Variants in NTN1 observed in about 807,000 individuals in gnomAD.
NTN1 encodes netrin-1.
Under a neutral mutation model 54.2 loss-of-function variants are expected in NTN1, and 11 were observed. The ratio of observed to expected loss-of-function variants is 0.20; its 90% CI spans 0.13 to 0.34. The LOEUF (loss-of-function observed/expected upper bound fraction) is 0.34. NTN1 is among the 10% of genes least tolerant of loss of function. NTN1 has a pLI of 1.00. For missense variants in NTN1, 740 were observed against 893.1 expected (o/e 0.83, Z 2.18); for synonymous variants, 371 against 382.0 (o/e 0.97, Z 0.33).
chr17:9,040,797 CT>C (rs147482508), intron 2 of NTN1, among the ~76,000 whole-genome samples: 10 of 148,490 alleles, frequency 6.7e-5, no homozygotes, highest in African/African-American at 7.4e-5. Flanking sequence ...CTCTTTCTTA[CT>C]TTTTTTTTTG....
At chr17:9,210,905 G>GAAA (rs58541910) in intron 5 of NTN1, among the ~76,000 whole-genome samples, 10 of 23,494 alleles carry the variant, frequency 4.3e-4, no homozygotes, top group Admixed American at 9.1e-4. Flanking sequence ...GACTCCATCT[G>GAAA]AAAAAAAAAA....
intron 2 of NTN1, among the ~76,000 whole-genome samples, chr17:9,111,850 T>C (rs1481870167): frequency 6.6e-6 from 1 of 152,146 alleles, no homozygotes; most frequent in African/African-American, 2.4e-5. Flanking sequence ...TTGAATAGGC[T>C]GAGGGGGAGG....
the NTN1 span, among the ~76,000 whole-genome samples, chr17:9,004,609 G>A: frequency 1.2e-3 from 176 of 152,314 alleles, no homozygotes; most frequent in Middle Eastern, 3.4e-3. Flanking sequence ...CGCTCCCGCC[G>A]CAGCCCTAAT....
At position 9,163,173 on chromosome 17, in the gene NTN1, C is replaced by T. The variant is rs557173746; in HGVS notation, c.1207+172C>T. 7.3e-5 allele frequency among the ~76,000 whole-genome samples: 11 copies of T among 151,650 alleles called. No homozygotes were observed. In the East Asian group the frequency reaches 2.1e-3, roughly 30 times the overall value. On this transcript the variant is annotated intron_variant, in intron 3 of 6. Transcript: ENST00000173229. Reference sequence around the variant, plus strand: ...ACACACACACACACACACACACACACACACACACACACGCCTCCCTGGTAT... The same window carrying T: ...ACACACACACACACACACACACACATACACACACACACGCCTCCCTGGTAT...
chr17:9,135,296 C>G lies in NTN1; in HGVS notation c.1019-27517C>G, dbSNP rs561915482. Among the ~76,000 whole-genome samples, 2 of 152,294 alleles carry G rather than the reference C, an allele frequency of 1.3e-5. No individual in the cohort carries two copies. The highest frequency in any genetic ancestry group is 6.5e-5 in the Admixed American group (1 of 15,300). ...TGCCACCTGGGTCTGAATGTGTCCC[C>G]CAGACCCAACACCTCTTTGCACAGT... On this transcript the variant is annotated intron_variant, in intron 2 of 6. Coordinates refer to ENST00000173229, the MANE Select transcript of NTN1 (RefSeq NM_004822.3). The surrounding 1 kb of genome is among the most constrained non-coding windows in gnomAD (Gnocchi z 4.4).
intron 2 of NTN1, among the ~76,000 whole-genome samples, chr17:9,133,003 G>A (rs1034463819): frequency 6.6e-6 from 1 of 152,102 alleles, no homozygotes; most frequent in Non-Finnish European, 1.5e-5. Flanking sequence ...AAGCATTCTG[G>A]CCAAAACCTT....
intron 3 of NTN1, among the ~76,000 whole-genome samples, chr17:9,169,569 A>G (rs1261214134): frequency 6.6e-6 from 1 of 152,194 alleles, no homozygotes; most frequent in Non-Finnish European, 1.5e-5. Flanking sequence ...CCACATAGAA[A>G]TTCCTGGAGG....
chr17:9,176,005 T>A (rs899672074), intron 3 of NTN1: 1 of 152,186 alleles, frequency 6.6e-6, no homozygotes, highest in Non-Finnish European at 1.5e-5. Context: ...AGCGGCTTCC[T>A]ATGGCGGAAG....
intron 2 of NTN1, among the ~76,000 whole-genome samples, chr17:9,125,530 T>C (rs1013217913): frequency 2.0e-5 from 3 of 151,976 alleles, no homozygotes; most frequent in East Asian, 1.9e-4. Flanking sequence ...ACCTGGCTGA[T>C]TGGCTAATTT....
intron 5 of NTN1, among the ~76,000 whole-genome samples, chr17:9,201,699 G>A (rs1220950351): frequency 1.3e-5 from 2 of 152,072 alleles, no homozygotes; most frequent in African/African-American, 4.8e-5. Flanking sequence ...ACTACTTGGG[G>A]ATCTGTGGGA....
At chr17:9,092,289 G>T (rs1275042975) in intron 2 of NTN1, among the ~76,000 whole-genome samples, 1 of 142,714 alleles carries the variant, frequency 7.0e-6, no homozygotes, top group Non-Finnish European at 1.5e-5. Flanking sequence ...ATACTCCATT[G>T]TATGGAGAGG....
At chr17:9,004,098 A>C in the NTN1 span, among the ~76,000 whole-genome samples, 57,870 of 152,132 alleles carry the variant, frequency 0.38, 12,175 homozygotes, top group African/African-American at 0.56. Context: ...TTAGAAAATC[A>C]AACGCGCATC....
At chr17:9,208,413 T>A (rs1268241129) in intron 5 of NTN1, among the ~76,000 whole-genome samples, 3 of 151,838 alleles carry the variant, frequency 2.0e-5, no homozygotes, top group African/African-American at 7.3e-5. Context: ...TTGTCCAGAG[T>A]GTATGTGCCA....
chr17:9,148,216 A>G (rs2092318942), intron 2 of NTN1, among the ~76,000 whole-genome samples: 2 of 152,168 alleles, frequency 1.3e-5, no homozygotes, highest in African/African-American at 4.8e-5. Context: ...ACAAATCTCC[A>G]CGTGCTCCTG....
At chr17:9,074,006 C>T (rs559230963) in intron 2 of NTN1, among the ~76,000 whole-genome samples, 4 of 152,136 alleles carry the variant, frequency 2.6e-5, no homozygotes, top group Non-Finnish European at 4.4e-5. Context: ...GCTGGTGTCC[C>T]GGTACCTTGA....
intron 2 of NTN1, among the ~76,000 whole-genome samples, chr17:9,034,898 C>T (rs1319456436): frequency 2.0e-5 from 3 of 152,294 alleles, no homozygotes; most frequent in Admixed American, 6.5e-5. Context: ...CCAGTTACCA[C>T]GCCCCCTACC....
At chr17:9,174,429 A>G (rs894758016) in intron 3 of NTN1, 39 of 152,558 alleles carry the variant, frequency 2.6e-4, no homozygotes, top group Non-Finnish European at 5.3e-4. Context: ...GCAGGCTGCA[A>G]AGTGCCTCAG....
At chr17:9,207,075 C>T (rs761045535) in intron 5 of NTN1, among the ~76,000 whole-genome samples, 10 of 152,144 alleles carry the variant, frequency 6.6e-5, no homozygotes, top group Non-Finnish European at 1.0e-4. Context: ...CAGCTGCGCC[C>T]GTTTTTATTG....
At position 9,108,419 on chromosome 17, in the gene NTN1, C is replaced by T. The variant is rs182168129; in HGVS notation, c.1019-54394C>T. Among the ~76,000 whole-genome samples, 684 of 152,274 alleles carry T rather than the reference C, an allele frequency of 4.5e-3. 6 individuals are homozygous for T. The highest frequency in any genetic ancestry group is 0.032 in the South Asian group (156 of 4,822). On this transcript the variant is annotated intron_variant, in intron 2 of 6. Coordinates refer to ENST00000173229, the MANE Select transcript of NTN1 (RefSeq NM_004822.3). ...TCTAATCAGCAGAGCCGGAGTCACA[C>T]GCAGAGGCTACTGTGAGGAAGTCTG...
Sources: allele counts gnomAD v4.1 joint callset (sites outside exome capture counted in the v4.1 genomes callset), GRCh38; gene constraint gnomAD v4.1.1; non-coding constraint Gnocchi (gnomAD v3.1); transcripts MANE v1.5; gene names NCBI Gene and HGNC (gene_info 2026-07-23, HGNC 2026-07-21).